Variants in OSBPL1A observed in about 807,000 individuals in gnomAD.
OSBPL1A encodes oxysterol binding protein like 1A.
A neutral mutation model predicts 137.1 loss-of-function variants in OSBPL1A; 80 were observed. That is an observed-to-expected ratio of 0.58 (90% CI 0.49 to 0.70). The LOEUF (loss-of-function observed/expected upper bound fraction) is 0.70. Among genes scored for constraint, OSBPL1A ranks in the 30% least tolerant of loss-of-function variants. The pLI is 0.00. For synonymous variants in OSBPL1A, 365 were observed against 389.7 expected (o/e 0.94, Z 0.75); for missense variants, 970 against 1,129.4 (o/e 0.86, Z 2.02).
chr18:24,163,738 T>C (rs899028691), intron 27 of OSBPL1A, among the ~76,000 whole-genome samples: 7 of 152,142 alleles, frequency 4.6e-5, no homozygotes, highest in Non-Finnish European at 8.8e-5. Context: ...ACTCCTTTTT[T>C]TTTTTTTCTT....
chr18:24,192,757 A>T (rs1393051693), intron 18 of OSBPL1A, among the ~76,000 whole-genome samples: 1 of 152,236 alleles, frequency 6.6e-6, no homozygotes, highest in East Asian at 1.9e-4. Context: ...CCTAAGACAG[A>T]GTGAGACCTA....
intron 13 of OSBPL1A, among the ~76,000 whole-genome samples, chr18:24,308,005 C>T (rs992699018): frequency 9.9e-5 from 15 of 151,998 alleles, no homozygotes; most frequent in Admixed American, 9.2e-4. Flanking sequence ...AGGCTTGTCT[C>T]GAACTCCTGG....
chr18:24,395,448 G>A (rs539543723), intron 1 of OSBPL1A, among the ~76,000 whole-genome samples: 35 of 152,212 alleles, frequency 2.3e-4, no homozygotes, highest in Admixed American at 1.8e-3. Context: ...ATATACAGAT[G>A]TATCTCTGAG....
At position 24,179,771 on chromosome 18, in the gene OSBPL1A, T is replaced by C; in HGVS notation, c.1877A>G (p.Asn626Ser). The C allele has an allele frequency of 1.9e-6, 3 of 1,614,110 alleles. No individual in the cohort carries two copies. The highest frequency in any genetic ancestry group is 2.5e-6 in the Non-Finnish European group (3 of 1,180,022). ...TTCATAAGTCTCTCCCAGCAGTGGG[T>C]TGAAAGGTTTTCCAGTCCGTTCCCA... ...SQWERTGKPF[N>S]PLLGETYELV... Residue 626 changes from asparagine to serine, a missense_variant, in exon 20 of 28, where the codon AAC becomes AGC. Physicochemically the swap from Asn to Ser is conservative, Grantham distance 46 (BLOSUM62 1). Transcript: ENST00000319481.
intron 17 of OSBPL1A, among the ~76,000 whole-genome samples, chr18:24,199,159 C>G (rs1405866584): frequency 6.6e-6 from 1 of 151,830 alleles, no homozygotes; most frequent in Non-Finnish European, 1.5e-5. Flanking sequence ...ACACCTGGCC[C>G]AGGTGCCACT....
intron 15 of OSBPL1A, among the ~76,000 whole-genome samples, chr18:24,273,868 A>G (rs530368676): frequency 3.3e-5 from 5 of 152,314 alleles, no homozygotes; most frequent in African/African-American, 1.2e-4. Context: ...TATCTCACAG[A>G]ACAGCAATGG....
At chr18:24,362,681 T>G (rs1244771409) in intron 4 of OSBPL1A, among the ~76,000 whole-genome samples, 1 of 152,238 alleles carries the variant, frequency 6.6e-6, no homozygotes, top group Non-Finnish European at 1.5e-5. Flanking sequence ...AAATACACTC[T>G]ATGTCATAGT....
At chr18:24,297,551 G>T (rs1192298579) in intron 14 of OSBPL1A, among the ~76,000 whole-genome samples, 1 of 152,074 alleles carries the variant, frequency 6.6e-6, no homozygotes, top group African/African-American at 2.4e-5. Flanking sequence ...TTTCCTCTTA[G>T]CACTGCTTTT....
At chr18:24,310,046 CAA>C (rs56309417) in intron 13 of OSBPL1A, among the ~76,000 whole-genome samples, 10 of 90,600 alleles carry the variant, frequency 1.1e-4, no homozygotes, top group South Asian at 3.9e-4. Context: ...GACTCTGTCT[CAA>C]AAAAAAAAAA....
intron 18 of OSBPL1A, among the ~76,000 whole-genome samples, chr18:24,184,429 A>G (rs1408005392): frequency 6.6e-6 from 1 of 152,024 alleles, no homozygotes; most frequent in Non-Finnish European, 1.5e-5. Flanking sequence ...CATTACAACC[A>G]CTTAACCTGG....
intron 2 of OSBPL1A, among the ~76,000 whole-genome samples, chr18:24,376,935 C>A (rs751360535): frequency 1.3e-5 from 2 of 152,236 alleles, no homozygotes. Context: ...CCGCAAACGC[C>A]GCGCGCAGCC....
At chr18:24,393,696 G>A (rs532496308) in intron 1 of OSBPL1A, among the ~76,000 whole-genome samples, 8 of 152,152 alleles carry the variant, frequency 5.3e-5, no homozygotes, top group African/African-American at 1.9e-4. Context: ...CTCGTGATCC[G>A]CCCATCTCGG....
intron 14 of OSBPL1A, among the ~76,000 whole-genome samples, chr18:24,286,599 A>G (rs994400460): frequency 3.7e-4 from 56 of 152,224 alleles, no homozygotes; most frequent in African/African-American, 1.4e-3. Context: ...TTCAGAGAAG[A>G]GCATTGTCAT....
intron 4 of OSBPL1A, among the ~76,000 whole-genome samples, chr18:24,363,810 T>G (rs1319265001): frequency 6.6e-6 from 1 of 151,806 alleles, no homozygotes. Context: ...CCAGGCAATT[T>G]TTTTTTTTTA....
At chr18:24,190,823 T>C (rs1248226079) in intron 18 of OSBPL1A, among the ~76,000 whole-genome samples, 1 of 152,244 alleles carries the variant, frequency 6.6e-6, no homozygotes, top group Non-Finnish European at 1.5e-5. Flanking sequence ...GTTTATCTGA[T>C]TCCAGAAATA....
intron 4 of OSBPL1A, among the ~76,000 whole-genome samples, chr18:24,352,142 C>CA (rs992412797): frequency 1.3e-5 from 2 of 151,928 alleles, no homozygotes; most frequent in Admixed American, 1.3e-4. Flanking sequence ...CTCGTCTCTA[C>CA]AAAAAGCATA....
rs145841793 is a variant in OSBPL1A at position 24,197,333 on chromosome 18, C to T, written c.1602-1133G>A. On this transcript the variant is annotated intron_variant, in intron 17 of 27. Transcript: ENST00000319481. The stretch of plus-strand genomic sequence containing the variant: ...TTGCACTCCAGCCTGGGCAACAGAG[C>T]GAGATTCTGTCTCAAAAACTAAAAA... Among the ~76,000 whole-genome samples, 5 of 152,080 alleles carry T rather than the reference C, an allele frequency of 3.3e-5. 1 individual carries two copies. The highest frequency in any genetic ancestry group is 9.6e-5 in the African/African-American group (4 of 41,486).
chr18:24,177,458 C>T (rs879290424), intron 21 of OSBPL1A, among the ~76,000 whole-genome samples: 2 of 152,194 alleles, frequency 1.3e-5, no homozygotes, highest in African/African-American at 2.4e-5. Context: ...CTGCCTGCTA[C>T]TATCTACTTT....
At chr18:24,236,729 G>C (rs1401769996) in intron 16 of OSBPL1A, among the ~76,000 whole-genome samples, 2 of 152,146 alleles carry the variant, frequency 1.3e-5, no homozygotes, top group Non-Finnish European at 2.9e-5. Context: ...TGAGCCTCAG[G>C]ATCGTTCTCA....
Sources: allele counts gnomAD v4.1 joint callset (sites outside exome capture counted in the v4.1 genomes callset), GRCh38; gene constraint gnomAD v4.1.1; transcripts MANE v1.5; gene names NCBI Gene and HGNC (gene_info 2026-07-23, HGNC 2026-07-21).